Variants in NRXN1 observed in about 807,000 individuals in gnomAD.
The protein encoded by NRXN1 is neurexin 1, also known as neurexin-1.
Under a neutral mutation model 150.9 loss-of-function variants are expected in NRXN1, and 39 were observed. The ratio of observed to expected loss-of-function variants is 0.26; its 90% CI spans 0.20 to 0.34. The LOEUF is 0.34. Ranked by LOEUF, NRXN1 falls within the 10% of genes least tolerant of loss-of-function variation. The pLI is 1.00. For missense variants in NRXN1, 1,815 were observed against 1,949.9 expected, an observed-to-expected ratio of 0.93 and a Z score of 1.30; for synonymous variants, 924 against 757.0, an observed-to-expected ratio of 1.22 and a Z score of -3.62.
At chr2:50,857,619 T>C (rs1391939839) in intron 5 of NRXN1, among the ~76,000 whole-genome samples, 2 of 152,108 alleles carry the variant, frequency 1.3e-5, no homozygotes, top group Admixed American at 6.6e-5. Flanking sequence ...TTAATTTCTC[T>C]AGAGAGTGCT....
intron 5 of NRXN1, among the ~76,000 whole-genome samples, chr2:50,755,479 C>T (rs1701058252): frequency 6.6e-6 from 1 of 151,752 alleles, no homozygotes. Flanking sequence ...ACAGTTTTTC[C>T]TTCTCTTCAG....
At chr2:50,908,299 A>G (rs1684020767) in intron 5 of NRXN1, among the ~76,000 whole-genome samples, 3 of 152,036 alleles carry the variant, frequency 2.0e-5, no homozygotes, top group Admixed American at 6.6e-5. Flanking sequence ...TCAACTGACT[A>G]AAAGTTCAGT....
rs76959394 is a variant in NRXN1 at position 50,211,621 on chromosome 2, T to C, written c.3546+25168A>G. ...GAGTCTATAAAGCATTTCATATAGG[T>C]AAACTTGAATGAAACCTAATATTAT... On this transcript the variant is annotated intron_variant, in intron 18 of 22. Transcript: ENST00000401669. 4.8e-3 allele frequency among the ~76,000 whole-genome samples: 734 copies of C among 151,654 alleles called. 9 individuals carry two copies. The highest frequency in any genetic ancestry group is 0.017 in the African/African-American group (694 of 41,522).
At chr2:50,425,633 G>T (rs79796187) in intron 17 of NRXN1, among the ~76,000 whole-genome samples, 1,996 of 152,216 alleles carry the variant, frequency 0.013, 46 homozygotes, top group African/African-American at 0.045. Flanking sequence ...AACCCTAAAT[G>T]CTTTCTATTC....
intron 5 of NRXN1, among the ~76,000 whole-genome samples, chr2:50,800,240 T>C (rs1384843173): frequency 6.6e-6 from 1 of 152,190 alleles, no homozygotes; most frequent in Non-Finnish European, 1.5e-5. Context: ...TGTCAGGAAA[T>C]CTCTGAGGAG....
intron 1 of NRXN1, among the ~76,000 whole-genome samples, chr2:51,030,173 T>C (rs1227461333): frequency 6.6e-6 from 1 of 152,126 alleles, no homozygotes; most frequent in African/African-American, 2.4e-5. Flanking sequence ...AAATTACAAA[T>C]GTATAATCTG....
intron 19 of NRXN1, among the ~76,000 whole-genome samples, chr2:50,078,686 C>G (rs919001245): frequency 2.0e-5 from 3 of 151,928 alleles, no homozygotes; most frequent in Non-Finnish European, 4.4e-5. Flanking sequence ...TAAAATGTCC[C>G]TCAATTTTGG....
intron 8 of NRXN1, among the ~76,000 whole-genome samples, chr2:50,598,924 A>C (rs1026587411): frequency 8.6e-5 from 13 of 151,344 alleles, no homozygotes; most frequent in African/African-American, 3.2e-4. Flanking sequence ...CACTTGGCTA[A>C]TTTTGTTTTG....
intron 5 of NRXN1, among the ~76,000 whole-genome samples, chr2:50,683,646 A>AAAAAAAAAAAAAAAAAAAAATATATAT: frequency 6.7e-5 from 1 of 14,904 alleles, no homozygotes; most frequent in African/African-American, 3.6e-4. Flanking sequence ...AAAAAAAAAA[A>AAAAAAAAAAAAAAAAAAAAATATATAT]ATATATATAT....
At chr2:50,581,956 C>T (rs1433126448) in intron 8 of NRXN1, among the ~76,000 whole-genome samples, 2 of 151,932 alleles carry the variant, frequency 1.3e-5, no homozygotes, top group Non-Finnish European at 2.9e-5. Flanking sequence ...AAAGCTATGC[C>T]GTATACATAG....
At chr2:50,707,863 C>T (rs1048418876) in intron 5 of NRXN1, among the ~76,000 whole-genome samples, 5 of 152,144 alleles carry the variant, frequency 3.3e-5, no homozygotes, top group Non-Finnish European at 5.9e-5. Flanking sequence ...GATTTTCCTA[C>T]AGTATATTAA....
chr2:49,974,504 C>T (rs1243750130), intron 21 of NRXN1, among the ~76,000 whole-genome samples: 1 of 152,046 alleles, frequency 6.6e-6, no homozygotes, highest in Non-Finnish European at 1.5e-5. Context: ...TTTTTTTCCC[C>T]AGCCCTTAAA....
At chr2:50,714,016 C>A (rs1266064996) in intron 5 of NRXN1, among the ~76,000 whole-genome samples, 4 of 151,984 alleles carry the variant, frequency 2.6e-5, no homozygotes, top group Admixed American at 2.6e-4. Flanking sequence ...AGCTATATGA[C>A]CAATATCTAA....
At chr2:50,075,357 A>G (rs1037988540) in intron 19 of NRXN1, among the ~76,000 whole-genome samples, 3 of 152,206 alleles carry the variant, frequency 2.0e-5, no homozygotes, top group Non-Finnish European at 4.4e-5. Context: ...CTGGGGAGGA[A>G]TATTTATTGT....
chr2:50,884,573 T>C lies in NRXN1; in HGVS notation c.832+37296A>G, dbSNP rs149748545. ...ATGTATTCATGTTTTGCGGCCCCAGTATCCAGCATTGTAGCTTCGTAGGAG... is the reference window on the plus strand; with the variant it reads ...ATGTATTCATGTTTTGCGGCCCCAGCATCCAGCATTGTAGCTTCGTAGGAG... On this transcript the variant is annotated intron_variant, in intron 5 of 22. Transcript: ENST00000401669. Among the ~76,000 whole-genome samples the C allele has an allele frequency of 1.7e-3, 252 of 151,834 alleles. 2 individuals are homozygous for C. The highest frequency in any genetic ancestry group is 5.6e-3 in the African/African-American group (234 of 41,516).
intron 17 of NRXN1, among the ~76,000 whole-genome samples, chr2:50,264,177 A>G (rs1310005402): frequency 6.6e-6 from 1 of 152,160 alleles, no homozygotes. Context: ...TAGTTTTTCA[A>G]TAAGATGTGT....
chr2:50,154,645 T>C (rs1342857496), intron 18 of NRXN1, among the ~76,000 whole-genome samples: 2 of 151,618 alleles, frequency 1.3e-5, no homozygotes. Flanking sequence ...GTTAAAAACA[T>C]ACAAGTCAGA....
chr2:50,488,157 T>A (rs2104839807), intron 15 of NRXN1, among the ~76,000 whole-genome samples: 1 of 152,304 alleles, frequency 6.6e-6, no homozygotes, highest in East Asian at 1.9e-4. Flanking sequence ...AGGTTAAAAA[T>A]CACACTTTTT....
At chr2:50,629,088 G>C (rs1001894759) in intron 5 of NRXN1, among the ~76,000 whole-genome samples, 2 of 151,500 alleles carry the variant, frequency 1.3e-5, no homozygotes, top group Non-Finnish European at 3.0e-5. Context: ...CTGAACTTGG[G>C]CCTACCCTAT....
Sources: gnomAD v4.1 joint callset for allele counts (sites outside exome capture counted in the v4.1 genomes callset) on GRCh38, gnomAD v4.1.1 for gene constraint, MANE v1.5 for transcripts, NCBI Gene and HGNC (gene_info 2026-07-23, HGNC 2026-07-21) for gene names.